The following WWOX variants were observed in gnomAD, a reference collection of about 807,000 sequenced individuals.
The protein encoded by WWOX is WW domain containing oxidoreductase.
Under a neutral mutation model 46.2 loss-of-function variants are expected in WWOX, and 69 were observed. That is an observed-to-expected ratio of 1.49 (90% CI 1.23 to 1.82). The LOEUF (loss-of-function observed/expected upper bound fraction) is 1.82. WWOX is among the 40% of genes most tolerant of loss of function. The pLI is 0.00. For missense variants in WWOX, 919 were observed against 542.6 expected, an observed-to-expected ratio of 1.69 and a Z score of -6.89; for synonymous variants, 359 against 202.6, an observed-to-expected ratio of 1.77 and a Z score of -6.56.
intron 8 of WWOX, among the ~76,000 whole-genome samples, chr16:78,941,271 C>T (rs760706745): frequency 3.6e-4 from 55 of 152,146 alleles, no homozygotes; most frequent in African/African-American, 1.1e-3. Context: ...GGATTGGGCC[C>T]GTGCTATAAT....
intron 8 of WWOX, among the ~76,000 whole-genome samples, chr16:78,889,817 C>G (rs2044548949): frequency 6.6e-6 from 1 of 152,148 alleles, no homozygotes; most frequent in Non-Finnish European, 1.5e-5. Context: ...ATACTGTTGT[C>G]CTCATCTTCA....
At chr16:78,427,955 C>G (rs369432797) in intron 7 of WWOX, among the ~76,000 whole-genome samples, 60 of 151,968 alleles carry the variant, frequency 3.9e-4, no homozygotes, top group African/African-American at 1.4e-3. Flanking sequence ...GTAATCCCAG[C>G]TATTTGGGAG....
intron 5 of WWOX, among the ~76,000 whole-genome samples, chr16:78,269,914 G>GTTTTT (rs71137883): frequency 1.8e-4 from 22 of 125,668 alleles, no homozygotes; most frequent in Admixed American, 6.3e-4. Context: ...ACATAAGGAA[G>GTTTTT]TTTTTTTTTT....
chr16:78,524,444 T>C (rs1309858242), intron 8 of WWOX, among the ~76,000 whole-genome samples: 1 of 151,908 alleles, frequency 6.6e-6, no homozygotes, highest in Non-Finnish European at 1.5e-5. Flanking sequence ...TTGTTTGAGA[T>C]GAGTCTTGCT....
chr16:78,680,160 A>G (rs2047696022), intron 8 of WWOX, among the ~76,000 whole-genome samples: 1 of 152,244 alleles, frequency 6.6e-6, no homozygotes, highest in African/African-American at 2.4e-5. Context: ...CTGTAATCCC[A>G]GCACTGAGGG....
chr16:78,461,925 G>A (rs371062861), intron 8 of WWOX, among the ~76,000 whole-genome samples: 3 of 152,194 alleles, frequency 2.0e-5, no homozygotes, highest in African/African-American at 7.2e-5. Context: ...TTTATGTTCT[G>A]TACTTCAATC....
intron 8 of WWOX, among the ~76,000 whole-genome samples, chr16:78,858,896 C>G (rs954564674): frequency 3.3e-5 from 5 of 149,422 alleles, no homozygotes; most frequent in Non-Finnish European, 7.4e-5. Flanking sequence ...CCAGGCTGGT[C>G]TTGAACTCCT....
chr16:79,081,416 G>A (rs899020472), intron 8 of WWOX, among the ~76,000 whole-genome samples: 1 of 152,092 alleles, frequency 6.6e-6, no homozygotes, highest in Non-Finnish European at 1.5e-5. Flanking sequence ...CATCCACTTT[G>A]GCCTCCCAAA....
intron 8 of WWOX, among the ~76,000 whole-genome samples, chr16:78,697,448 G>C (rs1049147043): frequency 9.9e-5 from 15 of 152,194 alleles, no homozygotes; most frequent in African/African-American, 3.6e-4. Context: ...AAAAGGAACA[G>C]TCAGCAGAGT....
At chr16:78,578,431 A>G (rs759223869) in intron 8 of WWOX, among the ~76,000 whole-genome samples, 3 of 149,202 alleles carry the variant, frequency 2.0e-5, no homozygotes, top group Non-Finnish European at 4.5e-5. Flanking sequence ...CTGGCACTAT[A>G]GGCGCCCACC....
chr16:78,802,417 G>C (rs144439123), intron 8 of WWOX, among the ~76,000 whole-genome samples: 329 of 152,086 alleles, frequency 2.2e-3, no homozygotes, highest in African/African-American at 7.6e-3. Context: ...GAGGAAGCAA[G>C]TGTATTTAAA....
Position 78,303,331 on chromosome 16 carries a change from A to G in WWOX, c.517-83529A>G, listed in dbSNP as rs117748263. 1.5e-3 allele frequency among the ~76,000 whole-genome samples: 236 copies of G among 152,282 alleles called. 4 individuals carry two copies. In the East Asian group the frequency reaches 0.031, roughly 20 times the overall value. ...TGTTGGTCTCATTGTGGTCTTTTTAATCCCAGGCCTGATGCGCTTTAGGTA... is the reference window on the plus strand; with the variant it reads ...TGTTGGTCTCATTGTGGTCTTTTTAGTCCCAGGCCTGATGCGCTTTAGGTA... On this transcript the variant is annotated intron_variant, in intron 5 of 8. Coordinates refer to ENST00000566780, the MANE Select transcript of WWOX (RefSeq NM_016373.4).
intron 8 of WWOX, among the ~76,000 whole-genome samples, chr16:78,710,476 A>ATATATATATATATATATATATATATATT: frequency 8.8e-6 from 1 of 113,404 alleles, no homozygotes; most frequent in Non-Finnish European, 1.7e-5. Context: ...TGGATCTCAT[A>ATATATATATATATATATATATATATATT]TATATATATA....
intron 8 of WWOX, among the ~76,000 whole-genome samples, chr16:78,579,212 G>C (rs536012899): frequency 6.6e-6 from 1 of 152,236 alleles, no homozygotes; most frequent in African/African-American, 2.4e-5. Context: ...CTAACTACCA[G>C]GGATGAAAAG....
intron 8 of WWOX, among the ~76,000 whole-genome samples, chr16:78,953,906 T>G (rs976375661): frequency 1.3e-5 from 2 of 152,352 alleles, no homozygotes; most frequent in East Asian, 1.9e-4. Context: ...TATATTGCGT[T>G]TATTTTTATT....
chr16:78,943,528 A>T (rs1316073933), intron 8 of WWOX, among the ~76,000 whole-genome samples: 1 of 152,212 alleles, frequency 6.6e-6, no homozygotes, highest in Admixed American at 6.5e-5. Flanking sequence ...ATCGAGCTTT[A>T]TCAGAGCAGC....
chr16:78,300,059 G>C (rs1482915103), intron 5 of WWOX, among the ~76,000 whole-genome samples: 2 of 152,160 alleles, frequency 1.3e-5, no homozygotes, highest in African/African-American at 4.8e-5. Flanking sequence ...TTATAAGAAG[G>C]ACAGTGCTTA....
At chr16:78,823,755 G>A (rs1241602186) in intron 8 of WWOX, among the ~76,000 whole-genome samples, 1 of 150,840 alleles carries the variant, frequency 6.6e-6, no homozygotes, top group Non-Finnish European at 1.5e-5. Flanking sequence ...GGAAGGATTG[G>A]CTACCCTGAG....
At chr16:78,276,428 G>A (rs1367243140) in intron 5 of WWOX, among the ~76,000 whole-genome samples, 1 of 152,176 alleles carries the variant, frequency 6.6e-6, no homozygotes, top group African/African-American at 2.4e-5. Context: ...ATCAGGCACT[G>A]TGTGTCCACA....
Sources: allele counts gnomAD v4.1 joint callset (sites outside exome capture counted in the v4.1 genomes callset), GRCh38; gene constraint gnomAD v4.1.1; transcripts MANE v1.5; gene names NCBI Gene and HGNC (gene_info 2026-07-23, HGNC 2026-07-21).